Variants in STAT4 observed in about 807,000 individuals in gnomAD.
STAT4 encodes the protein signal transducer and activator of transcription 4.
Under a neutral mutation model 110.5 loss-of-function variants are expected in STAT4, and 42 were observed. The ratio of observed to expected loss-of-function variants is 0.38; its 90% CI spans 0.30 to 0.49. The LOEUF (loss-of-function observed/expected upper bound fraction) is 0.49. STAT4 is among the 20% of genes least tolerant of loss of function. The pLI, the probability that STAT4 is intolerant of heterozygous loss-of-function variation, is 0.95. For synonymous variants in STAT4, 284 were observed against 302.2 expected, an observed-to-expected ratio of 0.94 and a Z score of 0.63; for missense variants, 632 against 887.9, an observed-to-expected ratio of 0.71 and a Z score of 3.66.
chr2:191,058,121 A>T lies in STAT4; in HGVS notation c.1113-10T>A. 2.5e-6 allele frequency: 4 copies of T among 1,613,624 alleles called. No homozygotes were observed. The highest frequency in any genetic ancestry group is 2.2e-5 in the East Asian group (1 of 44,838). Reference sequence around the variant, plus strand: ...TACAAATCTTCGGTTGCTGGAGAGGAAATCTTAGCTATTTACATGGTCTCA... The same window carrying T: ...TACAAATCTTCGGTTGCTGGAGAGGTAATCTTAGCTATTTACATGGTCTCA... On this transcript the variant is annotated splice_polypyrimidine_tract_variant and intron_variant, in intron 12 of 23. Transcript: ENST00000392320. The surrounding 1 kb of genome is among the most constrained non-coding windows in gnomAD (Gnocchi z 4.3).
In STAT4 at chr2:191,146,983, T is replaced by G. The variant is rs1226055639; in HGVS notation, c.129-226A>C. Among the ~76,000 whole-genome samples, 1 of 152,116 alleles carries G rather than the reference T, an allele frequency of 6.6e-6. No individual in the cohort carries two copies. Among genetic ancestry groups the G allele is most frequent in the Non-Finnish European group, 1.5e-5 (1 of 68,004 alleles). Reference sequence around the variant, plus strand: ...CACTTCATACCCATTAGGGTGGCTATTATAAAAAGGAAAAGAAAAAACAGA... The same window carrying G: ...CACTTCATACCCATTAGGGTGGCTAGTATAAAAAGGAAAAGAAAAAACAGA... On this transcript the variant is annotated intron_variant, in intron 2 of 23. Coordinates refer to ENST00000392320, the MANE Select transcript of STAT4 (RefSeq NM_003151.4). This position sits in a 1 kb window ranked among gnomAD's most constrained non-coding sequence, Gnocchi z 4.5.
intron 3 of STAT4, among the ~76,000 whole-genome samples, chr2:191,078,008 T>C (rs1460341153): frequency 6.6e-6 from 1 of 152,132 alleles, no homozygotes; most frequent in Admixed American, 6.5e-5. Context: ...AATTTTCCCA[T>C]GTATTATTTT....
chr2:191,107,417 T>C lies in STAT4; in HGVS notation c.274-31092A>G, dbSNP rs560092636. On this transcript the variant is annotated intron_variant, in intron 3 of 23. Coordinates refer to ENST00000392320, the MANE Select transcript of STAT4 (RefSeq NM_003151.4). This position sits in a 1 kb window ranked among gnomAD's most constrained non-coding sequence, Gnocchi z 4.2. ...CACCACACTAAGCCCTTAATTGAAT[T>C]GTCATTTGGTCCCCACAACAGCCCT... 2.0e-5 allele frequency among the ~76,000 whole-genome samples: 3 copies of C among 152,290 alleles called. No individual in the cohort carries two copies. The highest frequency in any genetic ancestry group is 2.1e-4 in the South Asian group (1 of 4,822).
intron 13 of STAT4, among the ~76,000 whole-genome samples, chr2:191,055,940 G>A (rs1259732156): frequency 1.3e-5 from 2 of 152,082 alleles, no homozygotes; most frequent in African/African-American, 4.8e-5. Flanking sequence ...TGGATGGTAG[G>A]AATTGAGCCT....
rs1696830101 is a variant in STAT4, at chr2:191,060,910, C to T, written c.1034+819G>A. Among the ~76,000 whole-genome samples, 2 of 152,046 alleles carry T rather than the reference C, an allele frequency of 1.3e-5. No homozygotes were observed. The highest frequency in any genetic ancestry group is 1.3e-4 in the Admixed American group (2 of 15,244). ...GTGATCAGCAACCTTATCATAGAAC[C>T]CTAAACTGCTCTGTACCATGGCATC... On this transcript the variant is annotated intron_variant, in intron 10 of 23. Transcript: ENST00000392320. This position sits in a 1 kb window ranked among gnomAD's most constrained non-coding sequence, Gnocchi z 4.5.
Position 191,091,770 on chromosome 2 carries a change from G to A in STAT4, c.274-15445C>T, listed in dbSNP as rs1453877321. ...CTGAGTATACAGCTAGGTAAACTGA[G>A]ATAAAGAACTGTTAAGTAACTTTAA... On this transcript the variant is annotated intron_variant, in intron 3 of 23. Coordinates refer to ENST00000392320, the MANE Select transcript of STAT4 (RefSeq NM_003151.4). The surrounding 1 kb of genome is among the most constrained non-coding windows in gnomAD (Gnocchi z 5.4). 6.6e-6 allele frequency among the ~76,000 whole-genome samples: 1 copy of A among 152,128 alleles called. No individual in the cohort carries two copies. Among genetic ancestry groups the A allele is most frequent in the Non-Finnish European group, 1.5e-5 (1 of 68,040 alleles).
chr2:191,126,698 G>C lies in STAT4; in HGVS notation c.273+19915C>G, dbSNP rs980364789. Among the ~76,000 whole-genome samples, 3 of 152,126 alleles carry C rather than the reference G, an allele frequency of 2.0e-5. No individual in the cohort carries two copies. In the East Asian group the frequency reaches 5.8e-4, roughly 29 times the overall value. On this transcript the variant is annotated intron_variant, in intron 3 of 23. Transcript: ENST00000392320. ...TCAGGCCAGCAGATTCACATGCTGGGGTTTCCATGTCAGCTCCTGGACAGA... is the reference window on the plus strand; with the variant it reads ...TCAGGCCAGCAGATTCACATGCTGGCGTTTCCATGTCAGCTCCTGGACAGA...
intron 3 of STAT4, among the ~76,000 whole-genome samples, chr2:191,096,466 T>A (rs564058021): frequency 6.6e-6 from 1 of 152,156 alleles, no homozygotes; most frequent in African/African-American, 2.4e-5. Flanking sequence ...TGGTTCAACA[T>A]ATGCAAATCG....
chr2:191,149,131 T>C (rs1022433395), intron 1 of STAT4, among the ~76,000 whole-genome samples: 12 of 152,212 alleles, frequency 7.9e-5, no homozygotes, highest in African/African-American at 2.9e-4. Flanking sequence ...AAATTTTTGG[T>C]TGTTTTCTCA....
chr2:191,072,439 AT>A (rs1697192056), intron 5 of STAT4, among the ~76,000 whole-genome samples: 1 of 152,172 alleles, frequency 6.6e-6, no homozygotes, highest in South Asian at 2.1e-4. Context: ...GTTATGGAGG[AT>A]CACTAAATCA....
chr2:191,127,962 G>A (rs759911573), intron 3 of STAT4, among the ~76,000 whole-genome samples: 72 of 152,284 alleles, frequency 4.7e-4, no homozygotes, highest in Non-Finnish European at 8.4e-4. Flanking sequence ...GGAGTCTTCC[G>A]TTGATCATAT....
chr2:191,052,564 G>C (rs1211923268), intron 14 of STAT4, among the ~76,000 whole-genome samples: 2 of 152,158 alleles, frequency 1.3e-5, no homozygotes, highest in African/African-American at 4.8e-5. Context: ...TCCGTCTCTA[G>C]GGAAATTCAA....
rs757282952 is a variant in STAT4 at position 191,064,896 on chromosome 2, G to A, written c.693C>T (p.Leu231=). 13 of 1,613,154 alleles carry A rather than the reference G, an allele frequency of 8.1e-6. No individual in the cohort carries two copies. The Middle Eastern group carries it at 8.2e-4, about 102-fold the overall frequency. The part of the protein sequence containing the change: ...HETDLLMNTM[L]IEELQDWKRR... ...GCTTCCAGTCTTGCAGCTCTTCTAT[G>A]AGCATGGTGTTCATTAACAGGTCTG... Residue 231 remains leucine, a synonymous_variant, in exon 8 of 24, where the codon CTC becomes CTT. Coordinates refer to ENST00000392320, the MANE Select transcript of STAT4 (RefSeq NM_003151.4).
intron 3 of STAT4, among the ~76,000 whole-genome samples, chr2:191,119,864 CCAGATTCATGTCAAAAA>C (rs934544395): frequency 9.2e-5 from 14 of 152,158 alleles, no homozygotes; most frequent in Admixed American, 7.9e-4. Context: ...ATAAAAGTCC[CCAGATTCATGTCAAAAA>C]CACCACTGCA....
chr2:191,130,821 T>A (rs916292981), intron 3 of STAT4, among the ~76,000 whole-genome samples: 1 of 151,740 alleles, frequency 6.6e-6, no homozygotes, highest in Non-Finnish European at 1.5e-5. Context: ...AATGGTTTTT[T>A]AATTTATCTA....
chr2:191,058,758 T>G lies in STAT4; in HGVS notation c.1046A>C (p.Lys349Thr). The change falls in exon 11 of 24, where the codon AAA (lysine) becomes ACA (threonine). Residue 349 changes from lysine to threonine, a missense_variant. Around this residue, in one of 4 missense-constraint regions of STAT4, gnomAD observed 488 missense variants for 632.8 expected, o/e 0.77. Transcript: ENST00000392320. This position sits in a 1 kb window ranked among gnomAD's most constrained non-coding sequence, Gnocchi z 4.3. ...TACCTGATAGTTTAGTTCTGGCAAT[T>G]TTATTAGTAGCCTGGAAAGAGATAT... is the stretch of plus-strand genomic sequence containing the variant. ...QFTVKLRLLI[K>T]LPELNYQVKV... 1 of 1,585,562 alleles carries G rather than the reference T, an allele frequency of 6.3e-7. No homozygotes were observed. The highest frequency in any genetic ancestry group is 8.6e-7 in the Non-Finnish European group (1 of 1,162,382).
At chr2:191,094,917 C>CAAAAAAAAA (rs1165913847) in intron 3 of STAT4, among the ~76,000 whole-genome samples, 1 of 77,920 alleles carries the variant, frequency 1.3e-5, no homozygotes, top group Non-Finnish European at 2.3e-5. Context: ...AAATGGAAAG[C>CAAAAAAAAA]AAAAAAAAAA....
chr2:191,080,328 G>A (rs987830395), intron 3 of STAT4, among the ~76,000 whole-genome samples: 3 of 151,942 alleles, frequency 2.0e-5, no homozygotes, highest in Non-Finnish European at 4.4e-5. Context: ...GTAATAAATT[G>A]GCTAATGTCT....
At chr2:191,105,754 C>T (rs768723992) in intron 3 of STAT4, among the ~76,000 whole-genome samples, 12 of 152,186 alleles carry the variant, frequency 7.9e-5, no homozygotes, top group Admixed American at 1.3e-4. Flanking sequence ...AAACACAATG[C>T]TGAATAAATG....
Sources: gnomAD v4.1 joint callset for allele counts (sites outside exome capture counted in the v4.1 genomes callset) on GRCh38, gnomAD v4.1.1 for gene constraint, gnomAD v4.1.1 regional missense constraint, Gnocchi (gnomAD v3.1) non-coding constraint, MANE v1.5 for transcripts, NCBI Gene and HGNC (gene_info 2026-07-23, HGNC 2026-07-21) for gene names.